The following FAM53B variants were observed in gnomAD, a reference collection of about 807,000 sequenced individuals.
FAM53B encodes family with sequence similarity 53 member B.
In FAM53B, 12 loss-of-function variants were observed where a neutral mutation model predicts 32.7. That is an observed-to-expected ratio of 0.37 (90% CI 0.24 to 0.59). The LOEUF is 0.59. FAM53B is among the 20% of genes least tolerant of loss of function. The probability of loss-of-function intolerance (pLI) is 0.72; values close to 1 mark genes in which losing one functional copy is unlikely to be tolerated. For synonymous variants in FAM53B, 234 were observed against 228.7 expected (o/e 1.02, Z -0.21); for missense variants, 477 against 577.7 (o/e 0.83, Z 1.79).
intron 1 of FAM53B, among the ~76,000 whole-genome samples, chr10:124,724,678 A>G (rs891301312): frequency 4.6e-5 from 7 of 152,216 alleles, no homozygotes; most frequent in Non-Finnish European, 8.8e-5. Flanking sequence ...GGAAGCTGCA[A>G]AACGGTTATT....
intron 3 of FAM53B, among the ~76,000 whole-genome samples, chr10:124,692,006 A>G (rs1180345290): frequency 6.6e-6 from 1 of 152,236 alleles, no homozygotes; most frequent in Non-Finnish European, 1.5e-5. Context: ...TCCTGTGTCG[A>G]GAGCACAAGA....
intron 4 of FAM53B, among the ~76,000 whole-genome samples, chr10:124,627,311 C>T (rs1326977013): frequency 2.6e-5 from 4 of 152,334 alleles, no homozygotes; most frequent in Admixed American, 1.3e-4. Context: ...GGCAAGGTCC[C>T]GCCCCAGAGT....
chr10:124,650,023 C>A (rs970453347), intron 4 of FAM53B, among the ~76,000 whole-genome samples: 1 of 152,162 alleles, frequency 6.6e-6, no homozygotes, highest in Non-Finnish European at 1.5e-5. Context: ...GATTTCCAGC[C>A]ATCTACTAGA....
At chr10:124,675,713 C>T (rs920972798) in intron 4 of FAM53B, among the ~76,000 whole-genome samples, 2 of 152,236 alleles carry the variant, frequency 1.3e-5, no homozygotes, top group African/African-American at 4.8e-5. Flanking sequence ...TGCATCAGTC[C>T]TCTGGAAGGG....
At chr10:124,661,530 C>T (rs181812778) in intron 4 of FAM53B, among the ~76,000 whole-genome samples, 2 of 152,358 alleles carry the variant, frequency 1.3e-5, no homozygotes, top group East Asian at 3.9e-4. Context: ...TTTTCCTTCT[C>T]CCAGCTGGTG....
At chr10:124,659,765 G>C (rs557635931) in intron 4 of FAM53B, among the ~76,000 whole-genome samples, 1 of 152,348 alleles carries the variant, frequency 6.6e-6, no homozygotes, top group South Asian at 2.1e-4. Flanking sequence ...GAAGATATCT[G>C]GCTGACAGAG....
chr10:124,693,346 T>C (rs981067489), intron 3 of FAM53B, among the ~76,000 whole-genome samples: 3 of 152,010 alleles, frequency 2.0e-5, no homozygotes, highest in South Asian at 2.1e-4. Context: ...GGCACACGCT[T>C]GTAATCCCAG....
Position 124,682,242 on chromosome 10 carries a change from T to A in FAM53B, c.271A>T (p.Ser91Cys), listed in dbSNP as rs1949777897. Residue 91 changes from serine (S) to cysteine (C), a missense_variant, in exon 4 of 5, where the codon AGT becomes TGT. Transcript: ENST00000337318. This position sits in a 1 kb window ranked among gnomAD's most constrained non-coding sequence, Gnocchi z 5.2. The stretch of plus-strand genomic sequence containing the variant: ...CTGATGCTGAGGTCTTTGATCAGAC[T>A]GGTCACAGCGCAGGCGGTCACTGCC... Reference protein sequence around the residue: ...REAVTACAVTSLIKDLSISDH... With the variant: ...REAVTACAVTCLIKDLSISDH... 1 of 1,614,116 alleles carries A rather than the reference T, an allele frequency of 6.2e-7. No individual in the cohort carries two copies. The highest frequency in any genetic ancestry group is 1.3e-5 in the African/African-American group (1 of 75,066).
chr10:124,661,668 G>A (rs888893618), intron 4 of FAM53B, among the ~76,000 whole-genome samples: 1 of 152,210 alleles, frequency 6.6e-6, no homozygotes, highest in African/African-American at 2.4e-5. Flanking sequence ...AACACCTCTG[G>A]TGCCCTGTCA....
At chr10:124,663,906 G>A (rs1398373838) in intron 4 of FAM53B, among the ~76,000 whole-genome samples, 3 of 152,044 alleles carry the variant, frequency 2.0e-5, no homozygotes, top group African/African-American at 7.2e-5. Context: ...AATCTCCCAG[G>A]TCTCCCGAGC....
intron 1 of FAM53B, among the ~76,000 whole-genome samples, chr10:124,711,720 T>TCG (rs1483401179): frequency 6.6e-6 from 1 of 152,174 alleles, no homozygotes; most frequent in African/African-American, 2.4e-5. Context: ...GCCCTGGCCT[T>TCG]CGCCATGAAA....
intron 1 of FAM53B, chr10:124,708,073 T>C (rs1028532160): frequency 6.6e-6 from 1 of 152,192 alleles, no homozygotes; most frequent in Non-Finnish European, 1.5e-5. Context: ...GTCACACAGA[T>C]ACAAGGAACC....
chr10:124,660,650 G>A (rs1589741653), intron 4 of FAM53B, among the ~76,000 whole-genome samples: 1 of 152,216 alleles, frequency 6.6e-6, no homozygotes, highest in African/African-American at 2.4e-5. Flanking sequence ...GGGCCCTATC[G>A]AGGGCCAGCT....
intron 4 of FAM53B, among the ~76,000 whole-genome samples, chr10:124,645,650 C>T (rs1015341970): frequency 1.3e-5 from 2 of 152,208 alleles, no homozygotes; most frequent in South Asian, 2.1e-4. Context: ...AAAGCAGCGA[C>T]GCACACTGTT....
intron 3 of FAM53B, among the ~76,000 whole-genome samples, chr10:124,684,477 G>C (rs1467282436): frequency 6.6e-6 from 1 of 152,120 alleles, no homozygotes. Flanking sequence ...GTTTCAACTT[G>C]ACACTGGTCA....
intron 3 of FAM53B, among the ~76,000 whole-genome samples, chr10:124,691,918 G>A (rs1232848245): frequency 6.6e-6 from 1 of 152,220 alleles, no homozygotes; most frequent in Non-Finnish European, 1.5e-5. Context: ...TGAGAGCCAG[G>A]AGCAAGGGCT....
chr10:124,717,959 T>C (rs188804376), intron 1 of FAM53B, among the ~76,000 whole-genome samples: 99 of 152,238 alleles, frequency 6.5e-4, no homozygotes, highest in Middle Eastern at 3.4e-3. Flanking sequence ...TTCCTACCGG[T>C]GCAGCTCCAG....
chr10:124,671,170 C>G (rs1346043852), intron 4 of FAM53B: 1 of 454,262 alleles, frequency 2.2e-6, no homozygotes, highest in Non-Finnish European at 4.5e-6. Context: ...CAGGAGCAAT[C>G]TGCTCCATTC....
At chr10:124,630,714 G>T (rs572776080) in intron 4 of FAM53B, among the ~76,000 whole-genome samples, 14 of 152,344 alleles carry the variant, frequency 9.2e-5, no homozygotes, top group African/African-American at 3.4e-4. Context: ...TGGCCCAGTG[G>T]GGGTGGTAAA....
Sources: allele counts gnomAD v4.1 joint callset (sites outside exome capture counted in the v4.1 genomes callset), GRCh38; gene constraint gnomAD v4.1.1; non-coding constraint Gnocchi (gnomAD v3.1); transcripts MANE v1.5; gene names NCBI Gene and HGNC (gene_info 2026-07-23, HGNC 2026-07-21).